MS4A14: variants seen among roughly 807,000 people sequenced by gnomAD.
MS4A14 encodes the protein membrane-spanning 4-domains subfamily A member 14.
A neutral mutation model predicts 16.7 loss-of-function variants in MS4A14; 18 were observed. The observed-to-expected ratio is 1.08, with a 90% CI of 0.75 to 1.60. The LOEUF (loss-of-function observed/expected upper bound fraction) is 1.60, where lower values mean the gene tolerates loss of function less well. MS4A14 is among the 40% of genes most tolerant of loss of function. The probability of loss-of-function intolerance (pLI) is 0.00; values close to 1 mark genes in which losing one functional copy is unlikely to be tolerated. For synonymous variants in MS4A14, 305 were observed against 289.4 expected (o/e 1.05, Z -0.55); for missense variants, 812 against 775.3 (o/e 1.05, Z -0.56).
intron 3 of MS4A14, among the ~76,000 whole-genome samples, chr11:60,401,280 C>T (rs1214940561): frequency 6.6e-6 from 1 of 152,176 alleles, no homozygotes. Context: ...TTATGGTCCT[C>T]TGCCAGTTTC....
At chr11:60,409,579 T>TA (rs2085837759) in intron 4 of MS4A14, among the ~76,000 whole-genome samples, 1 of 148,096 alleles carries the variant, frequency 6.8e-6, no homozygotes, top group Non-Finnish European at 1.5e-5. Flanking sequence ...AATGTATATT[T>TA]TATATATATA....
In MS4A14 at chr11:60,403,179, C is replaced by T. The variant is rs143181190; in HGVS notation, c.468+118C>T. On this transcript the variant is annotated intron_variant, in intron 4 of 4. Transcript: ENST00000300187. ...GAAGTTGTGTCAGCATTTGAACTGACGGTTGAGAAGGGTACCATGGGGTTA... is the reference window on the plus strand; with the variant it reads ...GAAGTTGTGTCAGCATTTGAACTGATGGTTGAGAAGGGTACCATGGGGTTA... 9.3e-4 allele frequency: 1,064 copies of T among 1,144,818 alleles called. 6 individuals carry two copies. The highest frequency in any genetic ancestry group is 7.0e-3 in the South Asian group (554 of 79,548). The allele number at this position is 1,144,818 out of a possible 1,614,324, so 70.9% of individuals were successfully genotyped here. A position where few individuals can be genotyped will look rare whatever the true frequency, so the allele number is the denominator to read the frequency against.
chr11:60,396,831 T>C, intron 1 of MS4A14, 115 bp downstream of exon 1: 1 of 1,082,878 alleles, frequency 9.2e-7, no homozygotes, highest in Admixed American at 2.9e-5. Context: ...TAATTCTACT[T>C]TTCCCCCTTC....
intron 4 of MS4A14, among the ~76,000 whole-genome samples, chr11:60,409,786 C>A (rs186334692): frequency 6.7e-6 from 1 of 149,964 alleles, no homozygotes; most frequent in South Asian, 2.1e-4. Context: ...TTTTTTCTTT[C>A]TTTCTTTCCT....
At chr11:60,401,518 G>A (rs990097339) in intron 3 of MS4A14, among the ~76,000 whole-genome samples, 1 of 152,198 alleles carries the variant, frequency 6.6e-6, no homozygotes, top group Non-Finnish European at 1.5e-5. Context: ...ATGGAGGCAG[G>A]ATGCTGAACC....
Position 60,396,566 on chromosome 11 carries a change from C to G in MS4A14, c.-13C>G, listed in dbSNP as rs1028017641. 3 of 1,611,654 alleles carry G rather than the reference C, an allele frequency of 1.9e-6. No homozygotes were observed. The African/African-American group carries it at 4.0e-5, about 22-fold the overall frequency. On this transcript the variant is annotated 5_prime_UTR_variant, in exon 1 of 5. Transcript: ENST00000300187. ...GCTCACTCTTTCCCTTACTAGAGTTCTGCCATAGAATCATGGAGTCAACAT... is the reference window on the plus strand; with the variant it reads ...GCTCACTCTTTCCCTTACTAGAGTTGTGCCATAGAATCATGGAGTCAACAT...
chr11:60,416,777 T>G lies in MS4A14; in HGVS notation c.1809T>G (p.Asp603Glu). Residue 603 changes from aspartate to glutamate, a missense_variant, in exon 5 of 5, where the codon GAT becomes GAG. Physicochemically the swap from Asp to Glu is conservative, Grantham distance 45. Coordinates refer to ENST00000300187, the MANE Select transcript of MS4A14 (RefSeq NM_032597.5). Reference protein sequence around the residue: ...KEQNSKKQTQDQQTEDQPAQE... With the variant: ...KEQNSKKQTQEQQTEDQPAQE... ...AAAACTCAAAGAAGCAAACCCAGGA[T>G]CAGCAAACTGAAGACCAGCCGGCCC... 1 of 1,613,240 alleles carries G rather than the reference T, an allele frequency of 6.2e-7. No homozygotes were observed. The highest frequency in any genetic ancestry group is 1.7e-5 in the Admixed American group (1 of 59,838).
rs1288438995 is a variant in MS4A14, at chr11:60,416,143, C to T, written c.1175C>T (p.Ser392Phe). 10 of 1,611,846 alleles carry T rather than the reference C, an allele frequency of 6.2e-6. No individual in the cohort carries two copies. The highest frequency in any genetic ancestry group is 8.5e-6 in the Non-Finnish European group (10 of 1,179,140). Residue 392 changes from serine to phenylalanine, a missense_variant, in exon 5 of 5, where the codon TCC (serine) becomes TTC (phenylalanine). Coordinates refer to ENST00000300187, the MANE Select transcript of MS4A14 (RefSeq NM_032597.5). ...SLDMLSQDTP[S>F]HAMPPQDIPS... The stretch of plus-strand genomic sequence containing the variant: ...GATATGCTATCTCAAGACACACCAT[C>T]CCACGCCATGCCACCTCAAGACATA...
Position 60,417,735 on chromosome 11 carries a change from A to G in MS4A14, c.*727A>G, listed in dbSNP as rs988704005. 3.3e-5 allele frequency: 5 copies of G among 152,208 alleles called. No individual in the cohort carries two copies. Among genetic ancestry groups the G allele is most frequent in the African/African-American group, 9.6e-5 (4 of 41,460 alleles). The allele number at this position is 152,208 out of a possible 1,614,324, so 9.4% of individuals were successfully genotyped here. On this transcript the variant is annotated 3_prime_UTR_variant, in exon 5 of 5. Coordinates refer to ENST00000300187, the MANE Select transcript of MS4A14 (RefSeq NM_032597.5). ...TTATGTATGTGAAGAAATAATTCACATGTATATTCCTTGTCATCAAAGTTA... is the reference window on the plus strand; with the variant it reads ...TTATGTATGTGAAGAAATAATTCACGTGTATATTCCTTGTCATCAAAGTTA...
chr11:60,401,053 C>A (rs1016583164), intron 3 of MS4A14, among the ~76,000 whole-genome samples: 5 of 152,176 alleles, frequency 3.3e-5, no homozygotes, highest in Non-Finnish European at 7.3e-5. Flanking sequence ...GGCATCAATG[C>A]TGGATTGTTC....
Position 60,415,965 on chromosome 11 carries a change from C to G in MS4A14, c.997C>G (p.Gln333Glu). 1.2e-6 allele frequency: 2 copies of G among 1,613,912 alleles called. No homozygotes were observed. The highest frequency in any genetic ancestry group is 1.7e-6 in the Non-Finnish European group (2 of 1,179,918). Residue 333 changes from glutamine (Q) to glutamate (E), a missense_variant, in exon 5 of 5, where the codon CAA (glutamine) becomes GAA (glutamate). Transcript: ENST00000300187. The part of the protein sequence containing the change: ...QALPVEGLSE[Q>E]TMPSKSTSSH... ...TCTACCAGTAGAAGGCCTGTCAGAA[C>G]AAACCATGCCATCTAAGTCTACATC...
intron 4 of MS4A14, among the ~76,000 whole-genome samples, chr11:60,412,494 C>T (rs2085882495): frequency 6.6e-6 from 1 of 151,834 alleles, no homozygotes; most frequent in Non-Finnish European, 1.5e-5. Flanking sequence ...ATTTCTTATA[C>T]AGTATCTGAT....
chr11:60,402,869 G>T (rs763621495), intron 3 of MS4A14, 43 bp from the exon 4 acceptor site: 1 of 1,591,836 alleles, frequency 6.3e-7, no homozygotes, highest in Non-Finnish European at 8.6e-7. Flanking sequence ...TTTTGCTTTG[G>T]TTTCGATCTT....
intron 4 of MS4A14, among the ~76,000 whole-genome samples, chr11:60,411,442 G>T (rs2085868079): frequency 6.6e-6 from 1 of 152,122 alleles, no homozygotes; most frequent in South Asian, 2.1e-4. Flanking sequence ...ATTACATTCA[G>T]CAATGATTTA....
rs1229843097 is a variant in MS4A14, at chr11:60,403,066, G to C, written c.468+5G>C. 1.2e-6 allele frequency: 2 copies of C among 1,613,222 alleles called. No homozygotes were observed. Among genetic ancestry groups the C allele is most frequent in the Non-Finnish European group, 1.7e-6 (2 of 1,179,376 alleles). ...TTCAGTAGAACTCTTTTCATTGTAA[G>C]TGGTCTTATTTTGCATGAAGAATCC... On this transcript the variant is annotated splice_donor_5th_base_variant and intron_variant, in intron 4 of 4. Transcript: ENST00000300187.
chr11:60,416,588 G>A lies in MS4A14; in HGVS notation c.1620G>A (p.Trp540Ter). The A allele has an allele frequency of 6.2e-7, 1 of 1,613,786 alleles. No homozygotes were observed. Among genetic ancestry groups the A allele is most frequent in the Non-Finnish European group, 8.5e-7 (1 of 1,179,916 alleles). Reference sequence around the variant, plus strand: ...CCTTAGACCAGCAAATCAAAGACTGGCTATCCCCAAAGAGGCACTCCGTAG... The same window carrying A: ...CCTTAGACCAGCAAATCAAAGACTGACTATCCCCAAAGAGGCACTCCGTAG... ...QKSLDQQIKD[W>*]LSPKRHSVDK... Residue 540 changes from tryptophan to a stop codon, truncating the protein, a stop_gained, in exon 5 of 5, where the codon TGG (tryptophan) becomes TGA (stop). Coordinates refer to ENST00000300187, the MANE Select transcript of MS4A14 (RefSeq NM_032597.5). LOFTEE classifies it low-confidence loss of function (END_TRUNC).
chr11:60,405,861 A>G (rs2135135695), intron 4 of MS4A14: 1 of 1,452,254 alleles, frequency 6.9e-7, no homozygotes, highest in Non-Finnish European at 9.3e-7. Context: ...CATTTCAAAT[A>G]CCATTTATTT....
chr11:60,396,800 G>A, intron 1 of MS4A14, 84 bp downstream of exon 1: 1 of 1,354,370 alleles, frequency 7.4e-7, no homozygotes, highest in Non-Finnish European at 1.0e-6. Flanking sequence ...GATATGCAGA[G>A]ATTATTTTCA....
At chr11:60,396,858 T>A in intron 1 of MS4A14, 142 bp downstream of exon 1, 1 of 848,082 alleles carries the variant, frequency 1.2e-6, no homozygotes, top group Non-Finnish European at 1.8e-6. Flanking sequence ...CATGAGAAAT[T>A]AGTACTGATC....
Sources: gnomAD v4.1 joint callset for allele counts (sites outside exome capture counted in the v4.1 genomes callset) on GRCh38, gnomAD v4.1.1 for gene constraint, MANE v1.5 for transcripts, NCBI Gene and HGNC (gene_info 2026-07-23, HGNC 2026-07-21) for gene names.